Variants in OCA2 observed in about 807,000 individuals in gnomAD.
OCA2 encodes OCA2 melanosomal transmembrane protein.
A neutral mutation model predicts 100.2 loss-of-function variants in OCA2; 77 were observed. That is an observed-to-expected ratio of 0.77 (90% confidence interval 0.64 to 0.93). The LOEUF is 0.93. Among genes scored for constraint, OCA2 ranks in the 40% least tolerant of loss-of-function variants. The pLI is 0.00. For missense variants in OCA2, 1,062 were observed against 1,089.1 expected (o/e 0.98, Z 0.35); for synonymous variants, 432 against 439.2 (o/e 0.98, Z 0.21).
intron 18 of OCA2, among the ~76,000 whole-genome samples, chr15:27,949,399 G>C (rs115191220): frequency 6.6e-6 from 1 of 152,098 alleles, no homozygotes; most frequent in Non-Finnish European, 1.5e-5. Context: ...ATAGTAGCTC[G>C]TGCCTGTAAT....
At chr15:27,864,909 C>G (rs2036264688) in intron 21 of OCA2, among the ~76,000 whole-genome samples, 1 of 151,648 alleles carries the variant, frequency 6.6e-6, no homozygotes, top group African/African-American at 2.4e-5. Flanking sequence ...AAGAACGCCA[C>G]CCACAGAGGC....
intron 19 of OCA2, 127 bp downstream of exon 19, chr15:27,925,999 CT>C (rs1485285870): frequency 4.5e-6 from 5 of 1,121,468 alleles, no homozygotes; most frequent in Non-Finnish European, 6.5e-6. Context: ...CAATTACAAC[CT>C]TCATTGTTTT....
intron 21 of OCA2, among the ~76,000 whole-genome samples, chr15:27,868,732 C>T (rs548204030): frequency 1.8e-4 from 27 of 152,224 alleles, no homozygotes; most frequent in African/African-American, 4.8e-4. Context: ...ATGAAGCACA[C>T]ATATATACAC....
the OCA2 span, among the ~76,000 whole-genome samples, chr15:27,731,095 C>A: frequency 6.6e-6 from 1 of 152,076 alleles, no homozygotes; most frequent in Non-Finnish European, 1.5e-5. Context: ...TATGACTTAA[C>A]CCTGTGTCAC....
chr15:28,001,372 T>C (rs959204650), intron 9 of OCA2, among the ~76,000 whole-genome samples: 10 of 151,880 alleles, frequency 6.6e-5, no homozygotes, highest in African/African-American at 2.4e-4. Context: ...CTAAGTGAAA[T>C]AAGTGAGACA....
At chr15:27,989,387 G>A (rs1431392896) in intron 11 of OCA2, among the ~76,000 whole-genome samples, 1 of 152,096 alleles carries the variant, frequency 6.6e-6, no homozygotes, top group African/African-American at 2.4e-5. Flanking sequence ...TGACTTCATC[G>A]TCAGACACGC....
intron 18 of OCA2, among the ~76,000 whole-genome samples, chr15:27,946,498 C>T (rs1233842895): frequency 6.6e-6 from 1 of 152,198 alleles, no homozygotes; most frequent in Non-Finnish European, 1.5e-5. Flanking sequence ...TGTTTCTGTA[C>T]CTCACTTCCG....
At position 27,847,072 on chromosome 15, in the gene OCA2, C is replaced by T. The variant is rs138217372; in HGVS notation, c.2339-2020G>A. Among the ~76,000 whole-genome samples the T allele has an allele frequency of 2.5e-3, 379 of 152,320 alleles. 3 individuals carry two copies. Among genetic ancestry groups the T allele is most frequent in the African/African-American group, 8.6e-3 (357 of 41,566 alleles). On this transcript the variant is annotated intron_variant, in intron 22 of 23. Transcript: ENST00000354638. ...GATGTGTCTGAATTGCCTGGCCTCC[C>T]TCCCTGAGGGCCCTCCTTCTCAGCC...
chr15:27,764,185 A>G (rs1400254396), intron 23 of OCA2, among the ~76,000 whole-genome samples: 1 of 151,520 alleles, frequency 6.6e-6, no homozygotes. Flanking sequence ...AGAGAGAAAG[A>G]AGGAGGGACA....
At chr15:27,892,737 T>C (rs1418355925) in intron 19 of OCA2, among the ~76,000 whole-genome samples, 3 of 152,110 alleles carry the variant, frequency 2.0e-5, no homozygotes, top group Non-Finnish European at 2.9e-5. Flanking sequence ...TGAGTTAATA[T>C]AGGACAATAC....
intron 5 of OCA2, among the ~76,000 whole-genome samples, chr15:28,023,711 C>A (rs555303115): frequency 1.3e-5 from 2 of 152,310 alleles, no homozygotes; most frequent in South Asian, 2.1e-4. Context: ...CTTGGAGCAA[C>A]ACTCAAAAGT....
At chr15:27,859,795 C>T (rs1031924409) in intron 21 of OCA2, among the ~76,000 whole-genome samples, 4 of 152,026 alleles carry the variant, frequency 2.6e-5, no homozygotes, top group African/African-American at 7.2e-5. Flanking sequence ...AAGAAAGGAA[C>T]GGAAGGAAGC....
At chr15:28,092,719 C>G (rs1322136638) in intron 1 of OCA2, among the ~76,000 whole-genome samples, 1 of 152,112 alleles carries the variant, frequency 6.6e-6, no homozygotes, top group African/African-American at 2.4e-5. Context: ...GCAATGTAAT[C>G]TACCATATTA....
At chr15:27,834,114 G>A (rs959013040) in intron 23 of OCA2, among the ~76,000 whole-genome samples, 1 of 152,180 alleles carries the variant, frequency 6.6e-6, no homozygotes, top group Non-Finnish European at 1.5e-5. Context: ...GGCATGATTA[G>A]AAAGTTAAAA....
intron 9 of OCA2, among the ~76,000 whole-genome samples, chr15:28,002,272 T>C (rs1031839756): frequency 2.6e-5 from 4 of 152,130 alleles, no homozygotes; most frequent in African/African-American, 4.8e-5. Flanking sequence ...AGGCTTGAGC[T>C]GAGGCTGGAA....
At chr15:27,791,031 C>G (rs1007962584) in intron 23 of OCA2, among the ~76,000 whole-genome samples, 28 of 152,034 alleles carry the variant, frequency 1.8e-4, no homozygotes, top group African/African-American at 6.8e-4. Flanking sequence ...TCAAGCTATC[C>G]TCCTGCCTCT....
intron 7 of OCA2, 144 bp from the exon 8 acceptor site, chr15:28,016,330 C>T: frequency 2.7e-6 from 2 of 728,104 alleles, no homozygotes; most frequent in African/African-American, 1.7e-5. Flanking sequence ...TGAGCTCTCA[C>T]ATCTCTGATG....
intron 19 of OCA2, among the ~76,000 whole-genome samples, chr15:27,909,215 A>G (rs2140243665): frequency 6.6e-6 from 1 of 152,368 alleles, no homozygotes; most frequent in East Asian, 1.9e-4. Flanking sequence ...AAAATTATAC[A>G]ACACAATTTT....
At chr15:27,795,260 C>T (rs1265910415) in intron 23 of OCA2, among the ~76,000 whole-genome samples, 1 of 152,200 alleles carries the variant, frequency 6.6e-6, no homozygotes, top group Admixed American at 6.5e-5. Flanking sequence ...ATACTTTACA[C>T]AGACACTGTC....
Sources: allele counts gnomAD v4.1 joint callset (sites outside exome capture counted in the v4.1 genomes callset), GRCh38; gene constraint gnomAD v4.1.1; transcripts MANE v1.5; gene names NCBI Gene and HGNC (gene_info 2026-07-23, HGNC 2026-07-21).